The following DPP10 variants were observed in gnomAD, a reference collection of about 807,000 sequenced individuals.
The protein encoded by DPP10 is inactive dipeptidyl peptidase 10.
In DPP10, 33 loss-of-function variants were observed where a neutral mutation model predicts 120.9. The ratio of observed to expected loss-of-function variants is 0.27; its 90% confidence interval spans 0.21 to 0.37. The LOEUF is 0.37. DPP10 is among the 10% of genes least tolerant of loss of function. DPP10 has a pLI of 1.00. For synonymous variants in DPP10, 337 were observed against 326.1 expected (o/e 1.03, Z -0.36); for missense variants, 816 against 942.8 (o/e 0.87, Z 1.76).
intron 3 of DPP10, among the ~76,000 whole-genome samples, chr2:115,392,366 C>G (rs2067378083): frequency 6.6e-6 from 1 of 151,980 alleles, no homozygotes; most frequent in South Asian, 2.1e-4. Context: ...ACTTTGATAT[C>G]ATATTAATAG....
At chr2:115,625,987 C>G (rs1271072498) in intron 5 of DPP10, among the ~76,000 whole-genome samples, 1 of 150,608 alleles carries the variant, frequency 6.6e-6, no homozygotes. Context: ...ATCTGTTTGT[C>G]TATTTGTCTG....
chr2:115,817,153 C>G (rs1204449656), intron 21 of DPP10, among the ~76,000 whole-genome samples: 3 of 151,730 alleles, frequency 2.0e-5, no homozygotes, highest in Non-Finnish European at 4.4e-5. Context: ...GAAGCTGAGG[C>G]AGGAGAATGG....
At chr2:114,755,528 G>A (rs2106069649) in intron 1 of DPP10, among the ~76,000 whole-genome samples, 1 of 152,306 alleles carries the variant, frequency 6.6e-6, no homozygotes, top group East Asian at 1.9e-4. Flanking sequence ...TAATCTAATG[G>A]AAGAAAGATG....
rs549814122 is a variant in DPP10, at chr2:114,950,207, T to C, written c.61-359032T>C. ...TTCAGTGATATGTTTTCCTTTATCATCTTTAGAAGCTTTTTTTTGTCATTA... is the reference window on the plus strand; with the variant it reads ...TTCAGTGATATGTTTTCCTTTATCACCTTTAGAAGCTTTTTTTTGTCATTA... On this transcript the variant is annotated intron_variant, in intron 1 of 25. Transcript: ENST00000410059. Among the ~76,000 whole-genome samples, 82 of 152,100 alleles carry C rather than the reference T, an allele frequency of 5.4e-4. 1 individual carries two copies. Among genetic ancestry groups the C allele is most frequent in the African/African-American group, 2.0e-3 (81 of 41,538 alleles).
chr2:115,571,045 A>G (rs1296955997), intron 5 of DPP10, among the ~76,000 whole-genome samples: 1 of 152,192 alleles, frequency 6.6e-6, no homozygotes, highest in Non-Finnish European at 1.5e-5. Context: ...GCACTCACAC[A>G]TCTAATGTCT....
intron 5 of DPP10, among the ~76,000 whole-genome samples, chr2:115,655,504 G>T (rs2088222352): frequency 6.6e-6 from 1 of 151,384 alleles, no homozygotes; most frequent in Non-Finnish European, 1.5e-5. Flanking sequence ...ATTATGCTTT[G>T]CTCATCAATT....
At chr2:114,482,687 G>A (rs963407936) in intron 1 of DPP10, among the ~76,000 whole-genome samples, 1 of 152,134 alleles carries the variant, frequency 6.6e-6, no homozygotes, top group Non-Finnish European at 1.5e-5. Flanking sequence ...GAAAAGTCTT[G>A]TTTATTGCTA....
At chr2:115,667,677 G>A (rs7601595) in intron 5 of DPP10, among the ~76,000 whole-genome samples, 25,227 of 151,708 alleles carry the variant, frequency 0.17, 3,106 homozygotes, top group African/African-American at 0.35. Flanking sequence ...TTTCTTTTAC[G>A]TGTTCCATTG....
chr2:115,631,260 G>A (rs563846554), intron 5 of DPP10, among the ~76,000 whole-genome samples: 20 of 152,094 alleles, frequency 1.3e-4, no homozygotes, highest in African/African-American at 4.6e-4. Flanking sequence ...TTTAGGGTCT[G>A]TGGTGATATC....
chr2:115,318,143 C>T (rs1365551294), intron 2 of DPP10, among the ~76,000 whole-genome samples: 1 of 151,954 alleles, frequency 6.6e-6, no homozygotes, highest in Admixed American at 6.6e-5. Context: ...GGGAGTCTAG[C>T]TTTAATTTTT....
At chr2:114,999,001 T>C (rs1701268915) in intron 1 of DPP10, among the ~76,000 whole-genome samples, 1 of 152,226 alleles carries the variant, frequency 6.6e-6, no homozygotes, top group Admixed American at 6.5e-5. Context: ...TATCATGTAT[T>C]CCTTTGGGTT....
intron 1 of DPP10, among the ~76,000 whole-genome samples, chr2:114,758,550 G>C (rs1679998412): frequency 6.6e-6 from 1 of 152,164 alleles, no homozygotes; most frequent in Non-Finnish European, 1.5e-5. Context: ...TATTACTCAT[G>C]ACATTGTAAT....
At chr2:115,491,761 T>C (rs1414818686) in intron 3 of DPP10, among the ~76,000 whole-genome samples, 1 of 152,154 alleles carries the variant, frequency 6.6e-6, no homozygotes, top group Non-Finnish European at 1.5e-5. Flanking sequence ...AGGTGGCTTT[T>C]ATTAGGTTGA....
At chr2:114,505,051 C>CAAAAAAAAAA (rs3061538) in intron 1 of DPP10, among the ~76,000 whole-genome samples, 1 of 44,896 alleles carries the variant, frequency 2.2e-5, no homozygotes, top group Non-Finnish European at 4.5e-5. Flanking sequence ...GACTCTGTCT[C>CAAAAAAAAAA]AAAAAAAAAA....
At chr2:115,100,512 TTATA>T (rs1216080126) in intron 1 of DPP10, among the ~76,000 whole-genome samples, 2 of 151,736 alleles carry the variant, frequency 1.3e-5, no homozygotes, top group African/African-American at 2.4e-5. Context: ...TATATAAGAA[TTATA>T]TATATACACA....
intron 1 of DPP10, among the ~76,000 whole-genome samples, chr2:114,923,736 G>C (rs1210829399): frequency 1.5e-5 from 2 of 135,756 alleles, no homozygotes; most frequent in African/African-American, 5.7e-5. Context: ...AAAGTGCTGG[G>C]ATTACAGGCG....
chr2:114,708,756 T>G (rs891385016), intron 1 of DPP10, among the ~76,000 whole-genome samples: 3 of 152,242 alleles, frequency 2.0e-5, no homozygotes, highest in East Asian at 3.9e-4. Context: ...TTTTTGTTTT[T>G]TGTTTTTTGT....
At chr2:114,687,137 T>C (rs1699425253) in intron 1 of DPP10, among the ~76,000 whole-genome samples, 1 of 152,056 alleles carries the variant, frequency 6.6e-6, no homozygotes, top group South Asian at 2.1e-4. Flanking sequence ...GAAAATAATA[T>C]ATGCATGGAC....
chr2:114,968,083 G>A (rs1004885473), intron 1 of DPP10, among the ~76,000 whole-genome samples: 1 of 152,062 alleles, frequency 6.6e-6, no homozygotes, highest in African/African-American at 2.4e-5. Context: ...ACCTCATTAT[G>A]TTCTACTTTT....
Sources: gnomAD v4.1 joint callset for allele counts (sites outside exome capture counted in the v4.1 genomes callset) on GRCh38, gnomAD v4.1.1 for gene constraint, MANE v1.5 for transcripts, NCBI Gene and HGNC (gene_info 2026-07-23, HGNC 2026-07-21) for gene names.